Variants in NCK2 observed in about 807,000 individuals in gnomAD.
The protein encoded by NCK2 is NCK adaptor protein 2, also known as cytoplasmic protein NCK2.
In NCK2, 16 loss-of-function variants were observed where a neutral mutation model predicts 33.9. The observed-to-expected ratio is 0.47, with a 90% confidence interval of 0.32 to 0.72. The LOEUF (loss-of-function observed/expected upper bound fraction) is 0.72, where lower values mean the gene tolerates loss of function less well. Ranked by LOEUF, NCK2 falls within the 30% of genes least tolerant of loss-of-function variation. The pLI, the probability that NCK2 is intolerant of heterozygous loss-of-function variation, is 0.03. For synonymous variants in NCK2, 273 were observed against 239.9 expected, an observed-to-expected ratio of 1.14 and a Z score of -1.27; for missense variants, 418 against 537.3, an observed-to-expected ratio of 0.78 and a Z score of 2.19.
chr2:105,774,737 A>G (rs1690248297), intron 1 of NCK2, among the ~76,000 whole-genome samples: 1 of 151,912 alleles, frequency 6.6e-6, no homozygotes, highest in African/African-American at 2.4e-5. Context: ...CCACAAGTAC[A>G]CTCAATTTTT....
chr2:105,870,040 C>T (rs1338843549), intron 3 of NCK2, among the ~76,000 whole-genome samples: 1 of 152,082 alleles, frequency 6.6e-6, no homozygotes, highest in Admixed American at 6.5e-5. Flanking sequence ...ATGTGGTGGT[C>T]GGGAGGGTGG....
chr2:105,809,624 C>T (rs981431369), intron 1 of NCK2, among the ~76,000 whole-genome samples: 13 of 152,162 alleles, frequency 8.5e-5, no homozygotes, highest in African/African-American at 2.9e-4. Flanking sequence ...GAGACTTCAA[C>T]ATATGAATTT....
chr2:105,795,616 A>G (rs1157831784), intron 1 of NCK2, among the ~76,000 whole-genome samples: 1 of 152,212 alleles, frequency 6.6e-6, no homozygotes, highest in Non-Finnish European at 1.5e-5. Flanking sequence ...TCATTCCCCA[A>G]GGGATATTCA....
intron 1 of NCK2, among the ~76,000 whole-genome samples, chr2:105,798,417 A>C (rs1362721132): frequency 2.0e-5 from 3 of 152,062 alleles, no homozygotes; most frequent in Non-Finnish European, 4.4e-5. Flanking sequence ...AAATGAAGAG[A>C]TCTGTCCACA....
At chr2:105,759,251 A>T (rs1315031468) in intron 1 of NCK2, among the ~76,000 whole-genome samples, 2 of 152,224 alleles carry the variant, frequency 1.3e-5, no homozygotes, top group Non-Finnish European at 2.9e-5. Context: ...CACATGCAGT[A>T]TATCGTTTTA....
intron 3 of NCK2, among the ~76,000 whole-genome samples, chr2:105,870,618 G>A (rs1296073573): frequency 6.6e-6 from 1 of 152,044 alleles, no homozygotes; most frequent in Non-Finnish European, 1.5e-5. Flanking sequence ...TAGCCAGGGT[G>A]GTGGCACATA....
chr2:105,844,522 C>G (rs1019439014), intron 2 of NCK2, among the ~76,000 whole-genome samples: 1 of 150,784 alleles, frequency 6.6e-6, no homozygotes. Flanking sequence ...GAGTTGGAGA[C>G]CAGCCTGGCC....
At chr2:105,871,746 T>G (rs962744593) in intron 3 of NCK2, among the ~76,000 whole-genome samples, 4 of 152,254 alleles carry the variant, frequency 2.6e-5, no homozygotes, top group African/African-American at 9.6e-5. Context: ...CTGCCCACCT[T>G]GGCCTCCCAA....
At position 105,768,380 on chromosome 2, in the gene NCK2, C is replaced by T. The variant is rs189424712; in HGVS notation, c.-201+23242C>T. On this transcript the variant is annotated intron_variant, in intron 1 of 4. Coordinates refer to ENST00000233154, the MANE Select transcript of NCK2 (RefSeq NM_003581.5). ...GTTCTGACACTAGCTTTTCAGGGTT[C>T]GTGCCGGCCTCACAAGTTTTGAGGG... 9.8e-5 allele frequency among the ~76,000 whole-genome samples: 15 copies of T among 152,300 alleles called. 1 individual carries two copies. The East Asian group carries it at 1.5e-3, about 16-fold the overall frequency.
At chr2:105,766,972 C>T (rs1689970345) in intron 1 of NCK2, among the ~76,000 whole-genome samples, 2 of 152,190 alleles carry the variant, frequency 1.3e-5, no homozygotes, top group African/African-American at 4.8e-5. Context: ...TGTGAAGAGA[C>T]ACGCTTGGGA....
chr2:105,793,481 A>C (rs1690966351), intron 1 of NCK2, among the ~76,000 whole-genome samples: 2 of 151,884 alleles, frequency 1.3e-5, no homozygotes, highest in African/African-American at 4.9e-5. Context: ...AGACAAGTAG[A>C]GTTAAGGCAG....
chr2:105,759,487 A>G (rs1344484135), intron 1 of NCK2, among the ~76,000 whole-genome samples: 3 of 108,136 alleles, frequency 2.8e-5, no homozygotes, highest in African/African-American at 3.4e-5. Flanking sequence ...CATATGGTAT[A>G]TATTTTTAAG....
At chr2:105,879,281 A>G (rs1306931151) in intron 3 of NCK2, among the ~76,000 whole-genome samples, 2 of 152,208 alleles carry the variant, frequency 1.3e-5, no homozygotes, top group Non-Finnish European at 2.9e-5. Context: ...CCGGCTTGCT[A>G]GCTGTTTTGA....
intron 3 of NCK2, among the ~76,000 whole-genome samples, chr2:105,861,682 T>C (rs1364692047): frequency 6.6e-6 from 1 of 151,980 alleles, no homozygotes; most frequent in Non-Finnish European, 1.5e-5. Context: ...ACCCAGCTAA[T>C]TTTTGTATTT....
intron 3 of NCK2, among the ~76,000 whole-genome samples, chr2:105,861,903 TCCTCCCTCCCTCCCTC>T (rs148839655): frequency 0.39 from 44,438 of 114,896 alleles, 8,413 homozygotes; most frequent in East Asian, 0.64. Flanking sequence ...TGGAATTCTT[TCCTCCCTCCCTCCCTC>T]CCTCCCTCCC....
chr2:105,891,467 A>G (rs1349883950), intron 4 of NCK2, among the ~76,000 whole-genome samples: 2 of 151,178 alleles, frequency 1.3e-5, no homozygotes, highest in African/African-American at 4.9e-5. Context: ...ATTTTTGTAC[A>G]AAGAACATTT....
At chr2:105,840,209 A>G (rs984204931) in intron 2 of NCK2, among the ~76,000 whole-genome samples, 11 of 152,158 alleles carry the variant, frequency 7.2e-5, no homozygotes, top group African/African-American at 2.7e-4. Context: ...ATCCAGAAAG[A>G]CACAGTAGCT....
At chr2:105,848,646 G>T (rs1369208948) in intron 2 of NCK2, 1 of 152,114 alleles carries the variant, frequency 6.6e-6, no homozygotes, top group Non-Finnish European at 1.5e-5. Flanking sequence ...TGAGTTAGTG[G>T]ATGTGTGCTT....
At chr2:105,792,767 T>C (rs1028421877) in intron 1 of NCK2, among the ~76,000 whole-genome samples, 1 of 152,164 alleles carries the variant, frequency 6.6e-6, no homozygotes, top group African/African-American at 2.4e-5. Context: ...CTGGCAAGGC[T>C]GCCCCTTAGG....
Sources: gnomAD v4.1 joint callset for allele counts (sites outside exome capture counted in the v4.1 genomes callset) on GRCh38, gnomAD v4.1.1 for gene constraint, MANE v1.5 for transcripts, NCBI Gene and HGNC (gene_info 2026-07-23, HGNC 2026-07-21) for gene names.